PLIN5: variants seen among roughly 807,000 people sequenced by gnomAD.
PLIN5 encodes perilipin-5.
A neutral mutation model predicts 32.8 loss-of-function variants in PLIN5; 34 were observed. That is an observed-to-expected ratio of 1.04 (90% CI 0.79 to 1.38). The LOEUF (loss-of-function observed/expected upper bound fraction) is 1.38. Ranked by LOEUF, PLIN5 falls within the 40% of genes most tolerant of loss-of-function variation. PLIN5 has a pLI of 0.00. For synonymous variants in PLIN5, 309 were observed against 292.9 expected (o/e 1.05, Z -0.56); for missense variants, 712 against 660.5 (o/e 1.08, Z -0.85).
chr19:4,531,934 G>A (rs1039554521), intron 2 of PLIN5, 112 bp from the exon 3 acceptor site: 1 of 1,152,512 alleles, frequency 8.7e-7, no homozygotes, highest in South Asian at 1.8e-5. Flanking sequence ...TGGAAGGATG[G>A]AGTACTGAGC....
chr19:4,529,737 C>G (rs779671791), intron 4 of PLIN5, 47 bp downstream of exon 4: 1 of 935,060 alleles, frequency 1.1e-6, no homozygotes, highest in South Asian at 1.3e-5. Context: ...CGCCTCTAAT[C>G]TGGCCTGCCC....
Position 4,524,055 on chromosome 19 carries a change from T to C in PLIN5, c.865A>G (p.Ser289Gly), listed in dbSNP as rs1976768503. The C allele has an allele frequency of 6.8e-7, 1 of 1,464,762 alleles. No individual in the cohort carries two copies. The highest frequency in any genetic ancestry group is 9.0e-7 in the Non-Finnish European group (1 of 1,116,326). 90.7% of individuals were successfully genotyped at this position (1,464,762 alleles called of 1,614,324 possible). A position where few individuals can be genotyped will look rare whatever the true frequency, so the allele number is the denominator to read the frequency against. ...AELETLVLSR[S>G]LTQELQGTVE... ...GTGCCCTGCAGCTCCTGGGTCAGGC[T>C]GCGGGACAGCACCAGCGTCTCCAGC... The change falls in exon 8 of 8, where the codon AGC becomes GGC. Residue 289 changes from serine to glycine, a missense_variant. Physicochemically the swap from Ser to Gly is moderately conservative, Grantham distance 56. Transcript: ENST00000381848.
At chr19:4,530,309 TGCCCAGCTCAGATG>T (rs1976868274) in intron 3 of PLIN5, among the ~76,000 whole-genome samples, 1 of 152,138 alleles carries the variant, frequency 6.6e-6, no homozygotes, top group Admixed American at 6.6e-5. Flanking sequence ...TTTTCAGCCG[TGCCCAGCTCAGATG>T]GCCCAGCGGA....
chr19:4,534,144 CT>C, intron 1 of PLIN5, 49 bp from the exon 2 acceptor site: 1 of 1,523,008 alleles, frequency 6.6e-7, no homozygotes, highest in South Asian at 1.2e-5. Flanking sequence ...GCATCAGATC[CT>C]GTCAAATTGG....
chr19:4,527,624 A>T (rs1215393499), intron 5 of PLIN5, among the ~76,000 whole-genome samples: 2 of 150,852 alleles, frequency 1.3e-5, no homozygotes, highest in African/African-American at 4.9e-5. Context: ...TGGGAAGTCA[A>T]GGCAGGTGGC....
intron 7 of PLIN5, among the ~76,000 whole-genome samples, chr19:4,524,744 C>A (rs1242988449): frequency 6.6e-6 from 1 of 151,058 alleles, no homozygotes; most frequent in African/African-American, 2.5e-5. Flanking sequence ...TAATAAAACT[C>A]CATCTCAAAA....
chr19:4,529,485 C>T (rs373927331), intron 4 of PLIN5: 12 of 548,116 alleles, frequency 2.2e-5, no homozygotes, highest in Middle Eastern at 9.4e-4. Flanking sequence ...CATATATACA[C>T]ATATACACAC....
At chr19:4,524,794 C>T (rs532598612) in intron 7 of PLIN5, among the ~76,000 whole-genome samples, 169 bp downstream of exon 7, 1 of 151,406 alleles carries the variant, frequency 6.6e-6, no homozygotes, top group Admixed American at 6.5e-5. Flanking sequence ...CTTAAACCTG[C>T]CTCAGTTTCC....
intron 7 of PLIN5, among the ~76,000 whole-genome samples, chr19:4,524,530 C>T (rs1022094780): frequency 2.6e-5 from 4 of 152,076 alleles, no homozygotes; most frequent in African/African-American, 7.2e-5. Context: ...CCAGCCTGGG[C>T]GACAGAGACA....
At position 4,531,661 on chromosome 19, in the gene PLIN5, G is replaced by C; in HGVS notation, c.222C>G (p.His74Gln). ...GCAGGTGCTCGAGCAGCGGCTGGGC[G>C]TGGTCCAGGGCACGGGTGGTCAGGC... The part of the protein sequence containing the change: ...VCGLTTRALD[H>Q]AQPLLEHLQP... Residue 74 changes from histidine (H) to glutamine (Q), a missense_variant, in exon 3 of 8, where the codon CAC becomes CAG. Physicochemically the swap from His to Gln is conservative, Grantham distance 24 (BLOSUM62 0). Coordinates refer to ENST00000381848, the MANE Select transcript of PLIN5 (RefSeq NM_001013706.3). 6.5e-7 allele frequency: 1 copy of C among 1,537,894 alleles called. No homozygotes were observed.
intron 5 of PLIN5, among the ~76,000 whole-genome samples, chr19:4,526,164 C>T (rs541883779): frequency 1.6e-4 from 24 of 152,228 alleles, no homozygotes; most frequent in African/African-American, 5.5e-4. Context: ...TGAGATCCTG[C>T]AGGATCCAAG....
intron 1 of PLIN5, chr19:4,534,422 G>C: frequency 7.4e-6 from 2 of 270,246 alleles, no homozygotes; most frequent in South Asian, 1.2e-4. Flanking sequence ...GCCCAGGCTG[G>C]AGAGCAGTGG....
intron 1 of PLIN5, among the ~76,000 whole-genome samples, chr19:4,534,531 C>T (rs1433123694): frequency 3.3e-5 from 5 of 152,104 alleles, no homozygotes; most frequent in Non-Finnish European, 5.9e-5. Context: ...CCACCATGCT[C>T]GGCTAATTTT....
At chr19:4,534,529 C>T (rs912625054) in intron 1 of PLIN5, among the ~76,000 whole-genome samples, 9 of 152,136 alleles carry the variant, frequency 5.9e-5, no homozygotes, top group Non-Finnish European at 1.2e-4. Flanking sequence ...TGCCACCATG[C>T]TCGGCTAATT....
At chr19:4,527,944 C>T (rs1333492832) in intron 5 of PLIN5, among the ~76,000 whole-genome samples, 1 of 150,636 alleles carries the variant, frequency 6.6e-6, no homozygotes, top group African/African-American at 2.5e-5. Context: ...GAGTCTCGCT[C>T]TGTCACCCAG....
rs779441713 is a variant in PLIN5, at chr19:4,525,642, C to G, written c.711G>C (p.Thr237=). 1.9e-6 allele frequency: 3 copies of G among 1,613,106 alleles called. No homozygotes were observed. In the South Asian group the frequency reaches 3.3e-5, roughly 18 times the overall value. ...AQDTLAQLQE[T]LELIDHMQCG... is the part of the protein sequence containing the mutation. ...GGCAGCGGGCTCTCACCAGCTCCAG[C>G]GTCTCCTGCAGCTGGGCCAGGGTGT... Residue 237 remains threonine, a synonymous_variant, in exon 6 of 8, where the codon ACG becomes ACC. Coordinates refer to ENST00000381848, the MANE Select transcript of PLIN5 (RefSeq NM_001013706.3). The surrounding 1 kb of genome is among the most constrained non-coding windows in gnomAD (Gnocchi z 5.6).
rs934664921 is a variant in PLIN5 at position 4,523,462 on chromosome 19, A to C, written c.*66T>G. Reference sequence around the variant, plus strand: ...CAAGGCCTCGAGCTTACGTGTGGCCACCAGGGGGCAGCAGGGATCGGGGTG... The same window carrying C: ...CAAGGCCTCGAGCTTACGTGTGGCCCCCAGGGGGCAGCAGGGATCGGGGTG... On this transcript the variant is annotated 3_prime_UTR_variant, in exon 8 of 8. Coordinates refer to ENST00000381848, the MANE Select transcript of PLIN5 (RefSeq NM_001013706.3). The surrounding 1 kb of genome is among the most constrained non-coding windows in gnomAD (Gnocchi z 5.0). 4.9e-5 allele frequency: 72 copies of C among 1,483,416 alleles called. No individual in the cohort carries two copies. Among genetic ancestry groups the C allele is most frequent in the Non-Finnish European group, 6.1e-5 (68 of 1,112,786 alleles). The allele number at this position is 1,483,416 out of a possible 1,614,324, so 91.9% of individuals were successfully genotyped here. A position where few individuals can be genotyped will look rare whatever the true frequency, so the allele number is the denominator to read the frequency against.
At chr19:4,524,267 TG>T (rs1209996705) in intron 7 of PLIN5, among the ~76,000 whole-genome samples, 182 bp from the exon 8 acceptor site, 2 of 152,112 alleles carry the variant, frequency 1.3e-5, no homozygotes, top group Admixed American at 6.5e-5. Flanking sequence ...AAACACACAA[TG>T]GGGCCGGTCG....
Position 4,529,778 on chromosome 19 carries a change from G to C in PLIN5, c.339+6C>G, listed in dbSNP as rs376776152. ...GGAGGTCCCCATGTCTAGTCGTCCG[G>C]GGTACCGTCTCCGAAGGTTGCTGGA... On this transcript the variant is annotated splice_donor_region_variant and intron_variant, in intron 4 of 7. Transcript: ENST00000381848. 1.7e-5 allele frequency: 28 copies of C among 1,611,770 alleles called. No homozygotes were observed. The highest frequency in any genetic ancestry group is 2.2e-5 in the Non-Finnish European group (26 of 1,178,492).
Sources: gnomAD v4.1 joint callset for allele counts (sites outside exome capture counted in the v4.1 genomes callset) on GRCh38, gnomAD v4.1.1 for gene constraint, Gnocchi (gnomAD v3.1) non-coding constraint, MANE v1.5 for transcripts, NCBI Gene and HGNC (gene_info 2026-07-23, HGNC 2026-07-21) for gene names.